ARFGEF3: variants seen among roughly 807,000 people sequenced by gnomAD.
ARFGEF3 encodes the protein brefeldin A-inhibited guanine nucleotide-exchange protein 3.
In ARFGEF3, 96 loss-of-function variants were observed where a neutral mutation model predicts 221.7. That is an observed-to-expected ratio of 0.43 (90% CI 0.37 to 0.51). The LOEUF (loss-of-function observed/expected upper bound fraction) is 0.51, where lower values mean the gene tolerates loss of function less well. ARFGEF3 is among the 20% of genes least tolerant of loss of function. ARFGEF3 has a pLI of 0.00. For synonymous variants in ARFGEF3, 1,145 were observed against 1,126.8 expected (o/e 1.02, Z -0.32); for missense variants, 2,410 against 2,789.9 (o/e 0.86, Z 3.07).
chr6:138,226,057 T>G (rs543192069), intron 4 of ARFGEF3, among the ~76,000 whole-genome samples: 3 of 152,376 alleles, frequency 2.0e-5, no homozygotes, highest in African/African-American at 7.2e-5. Flanking sequence ...ATGTCTCATT[T>G]GTGGCCCTGA....
intron 22 of ARFGEF3, among the ~76,000 whole-genome samples, chr6:138,307,051 A>G (rs143725289): frequency 5.8e-4 from 88 of 152,354 alleles, no homozygotes; most frequent in East Asian, 2.5e-3. Flanking sequence ...GTTGCTTTGC[A>G]GCATTAGTCA....
intron 1 of ARFGEF3, among the ~76,000 whole-genome samples, chr6:138,164,209 C>T (rs1776675449): frequency 1.4e-5 from 2 of 145,788 alleles, no homozygotes; most frequent in African/African-American, 5.4e-5. Context: ...TACAAAACAC[C>T]TGTCACTCTT....
chr6:138,327,308 G>T (rs758813167), intron 31 of ARFGEF3, among the ~76,000 whole-genome samples: 32 of 147,666 alleles, frequency 2.2e-4, no homozygotes, highest in Admixed American at 4.6e-4. Flanking sequence ...GGGCATAGTG[G>T]TGCACACCTG....
chr6:138,224,558 G>A (rs1333773748), intron 4 of ARFGEF3, among the ~76,000 whole-genome samples: 1 of 152,192 alleles, frequency 6.6e-6, no homozygotes, highest in Non-Finnish European at 1.5e-5. Flanking sequence ...TAGGCACATA[G>A]ATGCACAGTT....
At chr6:138,195,831 G>A (rs1777406911) in intron 2 of ARFGEF3, among the ~76,000 whole-genome samples, 1 of 152,032 alleles carries the variant, frequency 6.6e-6, no homozygotes, top group Non-Finnish European at 1.5e-5. Context: ...CGCTTTCCAC[G>A]GTGCCATGAG....
In ARFGEF3 at chr6:138,287,062, TCTC is replaced by T. The variant is rs1361141103; in HGVS notation, c.2786-8_2786-6del. 1 of 1,564,480 alleles carries T rather than the reference TCTC, an allele frequency of 6.4e-7. No individual in the cohort carries two copies. Among genetic ancestry groups the T allele is most frequent in the East Asian group, 2.4e-5 (1 of 41,934 alleles). ...TACTCAGTCAAGAAGTCATTGTGTG[TCTC>T]CTCTGAAGGCGTTGCTGCTAACTGC... On this transcript the variant is annotated splice_polypyrimidine_tract_variant and intron_variant, in intron 16 of 33. Transcript: ENST00000251691.
chr6:138,333,732 G>A (rs1034960870), intron 32 of ARFGEF3, among the ~76,000 whole-genome samples: 2 of 152,126 alleles, frequency 1.3e-5, no homozygotes, highest in Non-Finnish European at 2.9e-5. Context: ...TTGAGCCACC[G>A]CGCTCGGCCC....
At chr6:138,200,888 A>C (rs1158469849) in intron 2 of ARFGEF3, among the ~76,000 whole-genome samples, 1 of 152,264 alleles carries the variant, frequency 6.6e-6, no homozygotes, top group African/African-American at 2.4e-5. Flanking sequence ...GTAAACAGAC[A>C]ACCCACAGAG....
chr6:138,263,434 C>T lies in ARFGEF3; in HGVS notation c.1951C>T (p.Arg651Trp), dbSNP rs1051206818. 14 of 1,613,862 alleles carry T rather than the reference C, an allele frequency of 8.7e-6. No homozygotes were observed. The highest frequency in any genetic ancestry group is 1.7e-5 in the Admixed American group (1 of 60,008). The change falls in exon 12 of 34, where the codon CGG becomes TGG. Residue 651 changes from arginine to tryptophan, a missense_variant. By Grantham distance (101) the Arg-to-Trp change is moderately radical. This residue lies in a region of ARFGEF3 where 594 missense variants were observed against 734.3 expected (regional missense o/e 0.81). Coordinates refer to ENST00000251691, the MANE Select transcript of ARFGEF3 (RefSeq NM_020340.5). ...EQTPRDCLGH[R>W]SLRTAALSLK... The stretch of plus-strand genomic sequence containing the variant: ...GACACCCCGGGACTGCCTAGGCCAC[C>T]GGTCCCTGCGAACTGCCGCCCTGTC...
chr6:138,292,141 C>A, intron 19 of ARFGEF3, 88 bp downstream of exon 19: 1 of 1,132,814 alleles, frequency 8.8e-7, no homozygotes, highest in Non-Finnish European at 1.2e-6. Flanking sequence ...CAGGGACGAC[C>A]CATTTGTTAG....
intron 4 of ARFGEF3, chr6:138,217,260 G>A (rs559216413): frequency 4.5e-4 from 68 of 152,198 alleles, no homozygotes; most frequent in African/African-American, 1.5e-3. Flanking sequence ...GCATATAAAT[G>A]CAGAGGCCCT....
At chr6:138,239,238 C>T (rs1043371019) in intron 6 of ARFGEF3, among the ~76,000 whole-genome samples, 1 of 152,184 alleles carries the variant, frequency 6.6e-6, no homozygotes, top group African/African-American at 2.4e-5. Flanking sequence ...GATTCCTCTT[C>T]AAAATTGGTG....
chr6:138,330,540 C>T lies in ARFGEF3; in HGVS notation c.5123+2398C>T, dbSNP rs552524033. ...GTTAGCTGGGCCAGGCGTGCTGGCT[C>T]ATGCCTGTAATCCCAGCTACTCAGG... On this transcript the variant is annotated intron_variant, in intron 32 of 33. Transcript: ENST00000251691. Among the ~76,000 whole-genome samples the T allele has an allele frequency of 6.3e-3, 957 of 152,268 alleles. 4 individuals carry two copies. Among genetic ancestry groups the T allele is most frequent in the Non-Finnish European group, 9.5e-3 (643 of 68,006 alleles).
At chr6:138,277,633 T>G (rs1218021847) in intron 12 of ARFGEF3, among the ~76,000 whole-genome samples, 1 of 152,236 alleles carries the variant, frequency 6.6e-6, no homozygotes, top group African/African-American at 2.4e-5. Context: ...TAATTCTTAC[T>G]CATTCGGCAA....
chr6:138,200,933 A>G lies in ARFGEF3; in HGVS notation c.138-6109A>G, dbSNP rs575088912. Among the ~76,000 whole-genome samples the G allele has an allele frequency of 3.3e-5, 5 of 152,354 alleles. No individual in the cohort carries two copies. The East Asian group carries it at 9.6e-4, about 29-fold the overall frequency. Reference sequence around the variant, plus strand: ...ATCTTCACAATCTATACATCTGACAAAGGACTAATATCCAGAATCTACAAT... The same window carrying G: ...ATCTTCACAATCTATACATCTGACAGAGGACTAATATCCAGAATCTACAAT... On this transcript the variant is annotated intron_variant, in intron 2 of 33. Coordinates refer to ENST00000251691, the MANE Select transcript of ARFGEF3 (RefSeq NM_020340.5).
intron 2 of ARFGEF3, among the ~76,000 whole-genome samples, chr6:138,196,502 G>A (rs939480585): frequency 2.0e-5 from 3 of 152,174 alleles, no homozygotes; most frequent in African/African-American, 7.2e-5. Context: ...CCTGTATAGG[G>A]CACTTATGAA....
At position 138,313,865 on chromosome 6, in the gene ARFGEF3, G is replaced by C; in HGVS notation, c.4271G>C (p.Arg1424Pro). ...AGTGGGAGACTTGCCGGCTTGCCTC[G>C]AAGACTTCAGGAACAGTCAGCCAGC... The part of the protein sequence containing the change: ...FLSGRLAGLP[R>P]RLQEQSASSE... Residue 1424 changes from arginine to proline, a missense_variant, in exon 26 of 34, where the codon CGA (arginine) becomes CCA (proline). Physicochemically the swap from Arg to Pro is moderately radical, Grantham distance 103. This residue lies in a region of ARFGEF3 where 723 missense variants were observed against 991.9 expected (regional missense o/e 0.73). Coordinates refer to ENST00000251691, the MANE Select transcript of ARFGEF3 (RefSeq NM_020340.5). 1.9e-6 allele frequency: 3 copies of C among 1,613,802 alleles called. No homozygotes were observed. The highest frequency in any genetic ancestry group is 2.5e-6 in the Non-Finnish European group (3 of 1,179,838).
chr6:138,197,289 T>C (rs1382741174), intron 2 of ARFGEF3, among the ~76,000 whole-genome samples: 3 of 152,226 alleles, frequency 2.0e-5, no homozygotes, highest in African/African-American at 7.2e-5. Flanking sequence ...GTAAAATGCA[T>C]GGAGCTGTCA....
At chr6:138,247,752 A>G (rs1028243655) in intron 8 of ARFGEF3, among the ~76,000 whole-genome samples, 1 of 152,252 alleles carries the variant, frequency 6.6e-6, no homozygotes, top group Non-Finnish European at 1.5e-5. Context: ...GATAATTACT[A>G]TAATATTGTA....
Sources: allele counts gnomAD v4.1 joint callset (sites outside exome capture counted in the v4.1 genomes callset), GRCh38; gene constraint gnomAD v4.1.1; regional missense constraint gnomAD v4.1.1; transcripts MANE v1.5; gene names NCBI Gene and HGNC (gene_info 2026-07-23, HGNC 2026-07-21).